The following LIPA variants were observed in gnomAD, a reference collection of about 807,000 sequenced individuals.
LIPA encodes lysosomal acid lipase/cholesteryl ester hydrolase.
Under a neutral mutation model 40.6 loss-of-function variants are expected in LIPA, and 26 were observed. The ratio of observed to expected loss-of-function variants is 0.64; its 90% CI spans 0.47 to 0.89. The LOEUF is 0.89. Among genes scored for constraint, LIPA ranks in the 40% least tolerant of loss-of-function variants. The probability of loss-of-function intolerance (pLI) is 0.00; values close to 1 mark genes in which losing one functional copy is unlikely to be tolerated. For missense variants in LIPA, 455 were observed against 479.6 expected, an observed-to-expected ratio of 0.95 and a Z score of 0.48; for synonymous variants, 188 against 168.4, an observed-to-expected ratio of 1.12 and a Z score of -0.90.
intron 2 of LIPA, among the ~76,000 whole-genome samples, chr10:89,359,309 A>C (rs1844006398): frequency 6.6e-6 from 1 of 152,222 alleles, no homozygotes; most frequent in African/African-American, 2.4e-5. Flanking sequence ...TCAATAAAAT[A>C]AATAAATTGA....
At position 89,308,585 on chromosome 10, in the gene LIPA, T is replaced by C. The variant is rs973703349; in HGVS notation, c.-2+34026A>G. On this transcript the variant is annotated intron_variant, in intron 1 of 5. Coordinates refer to the LIPA transcript ENST00000282673. Reference sequence around the variant, plus strand: ...TATGCTTGGAACGATTGAGATTTTCTAGGTAGATGCTGAATAGCCTAGACA... The same window carrying C: ...TATGCTTGGAACGATTGAGATTTTCCAGGTAGATGCTGAATAGCCTAGACA... 7.7e-4 allele frequency: 117 copies of C among 152,332 alleles called. 1 individual carries two copies. Among genetic ancestry groups the C allele is most frequent in the African/African-American group, 2.7e-3 (114 of 41,580 alleles). The allele number at this position is 152,332 out of a possible 1,614,324, so 9.4% of individuals were successfully genotyped here. A position where few individuals can be genotyped will look rare whatever the true frequency, so the allele number is the denominator to read the frequency against.
intron 8 of LIPA, among the ~76,000 whole-genome samples, chr10:89,216,944 T>C: frequency 6.6e-6 from 1 of 152,216 alleles, no homozygotes; most frequent in East Asian, 1.9e-4. Flanking sequence ...TCTAACTAGT[T>C]AGGGATACTA....
intron 1 of LIPA, among the ~76,000 whole-genome samples, chr10:89,317,228 A>C (rs1251998651): frequency 1.3e-5 from 2 of 152,270 alleles, no homozygotes; most frequent in Admixed American, 6.5e-5. Context: ...TGATGAGTTG[A>C]GAGAAGAAGG....
chr10:89,285,701 G>C (rs1843337783), intron 1 of LIPA, among the ~76,000 whole-genome samples: 1 of 151,168 alleles, frequency 6.6e-6, no homozygotes. Flanking sequence ...TTCCTGGGGG[G>C]CAAGGACCCC....
intron 2 of LIPA, among the ~76,000 whole-genome samples, chr10:89,365,007 C>T (rs1173245025): frequency 6.6e-6 from 1 of 152,152 alleles, no homozygotes; most frequent in Admixed American, 6.5e-5. Flanking sequence ...ATCAAGGAAG[C>T]ATTTAGCCTT....
At chr10:89,383,370 T>C (rs773975939) in intron 2 of LIPA, 4 of 1,614,228 alleles carry the variant, frequency 2.5e-6, no homozygotes, top group Middle Eastern at 1.6e-4. Flanking sequence ...AGCTGAGATG[T>C]CACTTTACAT....
chr10:89,401,332 G>A (rs531055950), intron 2 of LIPA, among the ~76,000 whole-genome samples: 3 of 152,038 alleles, frequency 2.0e-5, no homozygotes, highest in African/African-American at 4.8e-5. Context: ...ATGTTGGTCA[G>A]CTGGTCTCAA....
intron 1 of LIPA, among the ~76,000 whole-genome samples, chr10:89,265,616 A>G (rs761842108): frequency 5.9e-5 from 9 of 152,240 alleles, no homozygotes; most frequent in South Asian, 2.1e-4. Context: ...CATAGGGTCA[A>G]TTAATATCTA....
At chr10:89,217,229 G>A (rs1589549882) in intron 8 of LIPA, among the ~76,000 whole-genome samples, 3 of 152,202 alleles carry the variant, frequency 2.0e-5, no homozygotes, top group Admixed American at 2.0e-4. Context: ...TTTATGTGAA[G>A]TCTGTTCTAA....
intron 2 of LIPA, chr10:89,378,205 A>G (rs1173195996): frequency 7.6e-6 from 12 of 1,577,634 alleles, no homozygotes; most frequent in Non-Finnish European, 8.7e-6. Context: ...AACTTTCCTT[A>G]AGGGCCAATT....
intron 1 of LIPA, among the ~76,000 whole-genome samples, chr10:89,337,067 C>T (rs1843753777): frequency 1.3e-5 from 2 of 152,160 alleles, no homozygotes; most frequent in Admixed American, 1.3e-4. Context: ...GGAATCTGGC[C>T]TGTGTGGTGG....
chr10:89,304,424 A>T (rs952108587), intron 1 of LIPA, among the ~76,000 whole-genome samples: 2 of 152,180 alleles, frequency 1.3e-5, no homozygotes, highest in African/African-American at 2.4e-5. Flanking sequence ...GTGGTATAAA[A>T]AGTGGGAGAG....
At chr10:89,397,782 C>T (rs1045698778) in intron 2 of LIPA, among the ~76,000 whole-genome samples, 1 of 152,158 alleles carries the variant, frequency 6.6e-6, no homozygotes, top group African/African-American at 2.4e-5. Flanking sequence ...TTTACAAAAA[C>T]ACTTTGTATA....
chr10:89,394,608 A>AACTTG (rs1844312189), intron 2 of LIPA, among the ~76,000 whole-genome samples: 1 of 20,860 alleles, frequency 4.8e-5, no homozygotes, highest in African/African-American at 3.3e-4. Flanking sequence ...ATATATATAT[A>AACTTG]TATATATATA....
intron 2 of LIPA, chr10:89,403,827 C>A (rs909132140): frequency 1.6e-6 from 1 of 633,400 alleles, no homozygotes; most frequent in Non-Finnish European, 2.7e-6. Flanking sequence ...TGATGTAATT[C>A]TTGAATAATA....
At chr10:89,412,205 G>T (rs1030194679) in intron 2 of LIPA, among the ~76,000 whole-genome samples, 5 of 152,182 alleles carry the variant, frequency 3.3e-5, no homozygotes, top group Admixed American at 3.3e-4. Flanking sequence ...CTGTTTAGAG[G>T]GGGGATTGAG....
At chr10:89,265,058 A>G (rs1202407460) in intron 1 of LIPA, among the ~76,000 whole-genome samples, 1 of 152,166 alleles carries the variant, frequency 6.6e-6, no homozygotes, top group Admixed American at 6.5e-5. Context: ...TGTTGGTGCC[A>G]CCCTGAGCAC....
intron 1 of LIPA, among the ~76,000 whole-genome samples, chr10:89,260,791 A>G (rs1164489883): frequency 2.6e-5 from 4 of 152,104 alleles, no homozygotes; most frequent in East Asian, 1.9e-4. Flanking sequence ...GGCAATTTAA[A>G]CATGTCCCAT....
intron 1 of LIPA, among the ~76,000 whole-genome samples, chr10:89,324,851 C>T (rs1382844460): frequency 3.3e-5 from 5 of 152,152 alleles, no homozygotes; most frequent in Non-Finnish European, 7.3e-5. Flanking sequence ...CTGCAAAGGA[C>T]ACAACTCATC....
Sources: allele counts gnomAD v4.1 joint callset (sites outside exome capture counted in the v4.1 genomes callset), GRCh38; gene constraint gnomAD v4.1.1; transcripts MANE v1.5; gene names NCBI Gene and HGNC (gene_info 2026-07-23, HGNC 2026-07-21).